ZFHX3: variants seen among roughly 807,000 people sequenced by gnomAD.
ZFHX3 encodes the protein zinc finger homeobox 3, also known as zinc finger homeobox protein 3.
Under a neutral mutation model 279.1 loss-of-function variants are expected in ZFHX3, and 42 were observed. That is an observed-to-expected ratio of 0.15 (90% CI 0.12 to 0.19). The LOEUF (loss-of-function observed/expected upper bound fraction) is 0.19. Ranked by LOEUF, ZFHX3 falls within the 10% of genes least tolerant of loss-of-function variation. The pLI, the probability that ZFHX3 is intolerant of heterozygous loss-of-function variation, is 1.00. For synonymous variants in ZFHX3, 2,293 were observed against 1,957.8 expected, an observed-to-expected ratio of 1.17 and a Z score of -4.52; for missense variants, 4,981 against 4,754.0, an observed-to-expected ratio of 1.05 and a Z score of -1.40.
chr16:73,044,599 A>T (rs1965225913), intron 1 of ZFHX3, among the ~76,000 whole-genome samples: 1 of 89,928 alleles, frequency 1.1e-5, no homozygotes, highest in African/African-American at 5.3e-5. Flanking sequence ...TTAAAAGGTG[A>T]GTGTTTGTTT....
At chr16:73,026,235 G>A (rs1448053681) in intron 1 of ZFHX3, among the ~76,000 whole-genome samples, 3 of 149,290 alleles carry the variant, frequency 2.0e-5, no homozygotes, top group Admixed American at 2.0e-4. Context: ...CAGGTGTGGT[G>A]GCAGGCGCCT....
intron 3 of ZFHX3, among the ~76,000 whole-genome samples, chr16:73,319,110 A>G (rs62057262): frequency 0.43 from 61,558 of 143,280 alleles, 14,290 homozygotes; most frequent in Non-Finnish European, 0.52. Context: ...GGAGGTGTGG[A>G]ATGGGGGGGG....
chr16:73,536,291 A>G (rs2019900571), intron 2 of ZFHX3, among the ~76,000 whole-genome samples: 1 of 152,228 alleles, frequency 6.6e-6, no homozygotes, highest in Non-Finnish European at 1.5e-5. Flanking sequence ...AAAAAATATA[A>G]TTTTAAAAAA....
chr16:73,289,646 A>G (rs116582448), intron 4 of ZFHX3, among the ~76,000 whole-genome samples: 1 of 151,970 alleles, frequency 6.6e-6, no homozygotes, highest in Non-Finnish European at 1.5e-5. Flanking sequence ...GAGCTGCATC[A>G]TCCTTTCCTA....
At chr16:73,798,288 A>ACT (rs1261315397) in intron 1 of ZFHX3, among the ~76,000 whole-genome samples, 12 of 151,976 alleles carry the variant, frequency 7.9e-5, no homozygotes, top group African/African-American at 2.4e-4. Flanking sequence ...GGGGAGGCGG[A>ACT]ATTCTCTTTT....
intron 1 of ZFHX3, among the ~76,000 whole-genome samples, chr16:73,714,537 C>T (rs756053378): frequency 1.3e-5 from 2 of 152,122 alleles, no homozygotes; most frequent in African/African-American, 2.4e-5. Context: ...CAGTGTCCTC[C>T]GAATCACCCC....
chr16:73,024,613 A>G (rs557320551), intron 1 of ZFHX3, among the ~76,000 whole-genome samples: 130 of 152,348 alleles, frequency 8.5e-4, no homozygotes, highest in Admixed American at 2.5e-3. Context: ...CAGTAAAGCC[A>G]GATCCAATGG....
At chr16:73,725,605 G>A (rs1417431372) in intron 1 of ZFHX3, among the ~76,000 whole-genome samples, 3 of 151,936 alleles carry the variant, frequency 2.0e-5, no homozygotes, top group Non-Finnish European at 2.9e-5. Flanking sequence ...GGTGGATGCA[G>A]ACTGCTTAGG....
At chr16:73,510,117 C>T (rs1028004440) in intron 2 of ZFHX3, among the ~76,000 whole-genome samples, 2 of 152,212 alleles carry the variant, frequency 1.3e-5, no homozygotes, top group African/African-American at 4.8e-5. Flanking sequence ...TCATTCTCAT[C>T]TTGGCTATGT....
chr16:73,835,371 T>C (rs1961111091), intron 1 of ZFHX3, among the ~76,000 whole-genome samples: 2 of 150,192 alleles, frequency 1.3e-5, no homozygotes, highest in Admixed American at 6.7e-5. Context: ...TTTCCCCTTT[T>C]CCCACCGTCC....
chr16:73,012,745 G>T (rs1283348541), intron 1 of ZFHX3, among the ~76,000 whole-genome samples: 1 of 152,160 alleles, frequency 6.6e-6, no homozygotes, highest in Non-Finnish European at 1.5e-5. Context: ...ATATAATCTA[G>T]ATACCCAACA....
At chr16:73,185,118 C>T (rs1967882570) in intron 5 of ZFHX3, among the ~76,000 whole-genome samples, 1 of 152,064 alleles carries the variant, frequency 6.6e-6, no homozygotes, top group Admixed American at 6.5e-5. Context: ...GCTGGGACTA[C>T]ATGTACCATC....
At chr16:73,804,114 G>A (rs954760216) in intron 1 of ZFHX3, among the ~76,000 whole-genome samples, 1 of 152,172 alleles carries the variant, frequency 6.6e-6, no homozygotes, top group Non-Finnish European at 1.5e-5. Context: ...CCGAGATTGT[G>A]CTACTGCACT....
At chr16:73,491,124 T>C (rs1342271047) in intron 2 of ZFHX3, among the ~76,000 whole-genome samples, 1 of 152,238 alleles carries the variant, frequency 6.6e-6, no homozygotes, top group Non-Finnish European at 1.5e-5. Context: ...TCTGCTGTGG[T>C]AACAAATAAA....
chr16:73,251,017 C>T (rs533769572), intron 5 of ZFHX3, among the ~76,000 whole-genome samples: 2 of 152,222 alleles, frequency 1.3e-5, no homozygotes, highest in South Asian at 4.2e-4. Flanking sequence ...GTTTGGGTGA[C>T]CAGCGATCTC....
In ZFHX3 at chr16:73,345,851, G is replaced by A. The variant is rs562556088; in HGVS notation, c.-1290-27515C>T. Among the ~76,000 whole-genome samples the A allele has an allele frequency of 1.1e-4, 16 of 152,216 alleles. No individual in the cohort carries two copies. In the South Asian group the frequency reaches 2.7e-3, roughly 26 times the overall value. On this transcript the variant is annotated intron_variant, in intron 3 of 17. Coordinates refer to the ZFHX3 transcript ENST00000641206. Reference sequence around the variant, plus strand: ...TCACCTGTGGTGCTTGGTGGTGCTCGGTGACACCAGCCCAGGGCCCTGCTT... The same window carrying A: ...TCACCTGTGGTGCTTGGTGGTGCTCAGTGACACCAGCCCAGGGCCCTGCTT...
At chr16:73,309,279 T>A (rs1350212268) in intron 4 of ZFHX3, among the ~76,000 whole-genome samples, 1 of 152,160 alleles carries the variant, frequency 6.6e-6, no homozygotes, top group Non-Finnish European at 1.5e-5. Context: ...CCTCCTTGTG[T>A]CCATGTGTTC....
At chr16:73,846,603 T>G (rs1044469023) in intron 1 of ZFHX3, among the ~76,000 whole-genome samples, 1 of 152,158 alleles carries the variant, frequency 6.6e-6, no homozygotes, top group Admixed American at 6.5e-5. Context: ...TAAATATGCA[T>G]GAATAAGCAC....
At chr16:72,893,878 A>C (rs1264899343) in intron 3 of ZFHX3, among the ~76,000 whole-genome samples, 1 of 152,178 alleles carries the variant, frequency 6.6e-6, no homozygotes, top group African/African-American at 2.4e-5. Flanking sequence ...GGCCGGATGC[A>C]GTGGCTCACA....
Sources: gnomAD v4.1 joint callset for allele counts (sites outside exome capture counted in the v4.1 genomes callset) on GRCh38, gnomAD v4.1.1 for gene constraint, MANE v1.5 for transcripts, NCBI Gene and HGNC (gene_info 2026-07-23, HGNC 2026-07-21) for gene names.